The following NEK1 variants were observed in gnomAD, a reference collection of about 807,000 sequenced individuals.
The protein encoded by NEK1 is NIMA related kinase 1.
Under a neutral mutation model 182.1 loss-of-function variants are expected in NEK1, and 137 were observed. The observed-to-expected ratio is 0.75, with a 90% CI of 0.65 to 0.87. NEK1 has a LOEUF of 0.87. Among genes scored for constraint, NEK1 ranks in the 40% least tolerant of loss-of-function variants. The pLI, the probability that NEK1 is intolerant of heterozygous loss-of-function variation, is 0.00. For synonymous variants in NEK1, 513 were observed against 492.2 expected (o/e 1.04, Z -0.56); for missense variants, 1,391 against 1,494.4 (o/e 0.93, Z 1.14).
intron 18 of NEK1, among the ~76,000 whole-genome samples, chr4:169,550,101 G>A (rs1761188720): frequency 6.6e-6 from 1 of 152,192 alleles, no homozygotes; most frequent in South Asian, 2.1e-4. Context: ...CCCATGTGTT[G>A]TGGGAGGGAC....
intron 10 of NEK1, among the ~76,000 whole-genome samples, chr4:169,584,037 A>G (rs1196766170): frequency 6.6e-6 from 1 of 152,228 alleles, no homozygotes; most frequent in African/African-American, 2.4e-5. Context: ...TGAAGAGGTT[A>G]ACAGTTATTT....
intron 19 of NEK1, among the ~76,000 whole-genome samples, chr4:169,525,279 C>G (rs925184947): frequency 1.1e-4 from 17 of 152,100 alleles, no homozygotes; most frequent in Non-Finnish European, 1.6e-4. Flanking sequence ...CAGGCACGCA[C>G]CACCATGCCC....
intron 27 of NEK1, among the ~76,000 whole-genome samples, chr4:169,442,612 A>G (rs1247207405): frequency 6.6e-6 from 1 of 152,240 alleles, no homozygotes; most frequent in Non-Finnish European, 1.5e-5. Context: ...AATCTACAAA[A>G]TGCCTAAAAC....
chr4:169,527,744 G>A (rs1229789667), intron 19 of NEK1, among the ~76,000 whole-genome samples: 3 of 151,492 alleles, frequency 2.0e-5, no homozygotes, highest in African/African-American at 7.3e-5. Flanking sequence ...GAAATGGAAA[G>A]AGAGAAACAA....
chr4:169,560,373 T>C (rs1409684610), intron 16 of NEK1, among the ~76,000 whole-genome samples: 1 of 152,244 alleles, frequency 6.6e-6, no homozygotes, highest in African/African-American at 2.4e-5. Flanking sequence ...TCTACTGTTT[T>C]GCCACATGAA....
At chr4:169,432,768 TTTAATTAA>T (rs566380941) in intron 29 of NEK1, among the ~76,000 whole-genome samples, 3 of 152,050 alleles carry the variant, frequency 2.0e-5, no homozygotes, top group African/African-American at 4.8e-5. Context: ...ATCATCATAC[TTTAATTAA>T]TTAATTAATT....
chr4:169,587,086 C>A (rs951927370), intron 9 of NEK1, among the ~76,000 whole-genome samples: 23 of 150,906 alleles, frequency 1.5e-4, no homozygotes, highest in Non-Finnish European at 2.1e-4. Flanking sequence ...TATGTTATTT[C>A]AAAAAAAAGT....
At chr4:169,444,898 T>C (rs1234695230) in intron 27 of NEK1, among the ~76,000 whole-genome samples, 2 of 152,156 alleles carry the variant, frequency 1.3e-5, no homozygotes, top group Admixed American at 1.3e-4. Context: ...TCATATCAAG[T>C]ACCTTCTCAG....
At chr4:169,558,695 A>T (rs1222724456) in intron 16 of NEK1, among the ~76,000 whole-genome samples, 1 of 152,200 alleles carries the variant, frequency 6.6e-6, no homozygotes, top group Admixed American at 6.5e-5. Flanking sequence ...ATACATGTGG[A>T]ATATATAATT....
intron 19 of NEK1, among the ~76,000 whole-genome samples, chr4:169,521,178 C>T (rs1293176490): frequency 4.6e-5 from 2 of 43,030 alleles, no homozygotes; most frequent in Middle Eastern, 0.011. Flanking sequence ...GCGTAGGACC[C>T]TCTGAGCCAG....
chr4:169,585,610 G>A (rs1380005490), intron 9 of NEK1, 61 bp from the exon 10 acceptor site: 8 of 1,052,536 alleles, frequency 7.6e-6, no homozygotes, highest in South Asian at 3.2e-5. Flanking sequence ...TGAGAATATC[G>A]GTAATGAGAA....
rs191628309 is a variant in NEK1 at position 169,499,402 on chromosome 4, C to T, written c.2007+7635G>A. On this transcript the variant is annotated intron_variant, in intron 23 of 35. Coordinates refer to ENST00000507142, the MANE Select transcript of NEK1 (RefSeq NM_001199397.3). Reference sequence around the variant, plus strand: ...CATCTGAAGCCTTCTTCTCTCAACTCGTCAAAGTCATTCTCTGTCCAGCTT... The same window carrying T: ...CATCTGAAGCCTTCTTCTCTCAACTTGTCAAAGTCATTCTCTGTCCAGCTT... Among the ~76,000 whole-genome samples the T allele has an allele frequency of 2.9e-3, 435 of 152,270 alleles. 2 individuals are homozygous for T. The highest frequency in any genetic ancestry group is 0.01 in the African/African-American group (420 of 41,556).
At chr4:169,477,626 A>T in intron 24 of NEK1, 129 bp from the exon 25 acceptor site, 1 of 646,588 alleles carries the variant, frequency 1.5e-6, no homozygotes, top group East Asian at 2.9e-5. Context: ...ATTCCTATAA[A>T]ATGTTAACAA....
chr4:169,561,404 G>A (rs911999779), intron 16 of NEK1, 76 bp downstream of exon 16: 82 of 1,246,460 alleles, frequency 6.6e-5, no homozygotes, highest in Non-Finnish European at 8.0e-5. Flanking sequence ...AAAATCCCAA[G>A]TACATGCATT....
chr4:169,404,334 A>G (rs1732212742), intron 32 of NEK1, among the ~76,000 whole-genome samples: 1 of 152,172 alleles, frequency 6.6e-6, no homozygotes, highest in South Asian at 2.1e-4. Flanking sequence ...GCAAAAATCT[A>G]CAGAACTCTA....
In NEK1 at chr4:169,438,214, T is replaced by C. The variant is rs759546940; in HGVS notation, c.2633A>G (p.Glu878Gly). The C allele has an allele frequency of 2.5e-6, 4 of 1,572,500 alleles. No homozygotes were observed. Among genetic ancestry groups the C allele is most frequent in the Admixed American group, 3.7e-5 (2 of 53,384 alleles). ...ATGTGAAATACATTGTACTTTTTTT[T>C]CTCCAGTAATTAAGGGTTTGTACTT... ...GEKYKPLITGEKKVQCISHEI... is the reference protein window; with the variant it reads ...GEKYKPLITGGKKVQCISHEI... The change falls in exon 28 of 36, where the codon GAA (glutamate) becomes GGA (glycine). Residue 878 changes from glutamate (E) to glycine (G), a missense_variant. Glu to Gly is a moderately conservative substitution (Grantham distance 98, BLOSUM62 -2). Around this residue, in one of 5 missense-constraint regions of NEK1, gnomAD observed 1,216 missense variants for 1,277.6 expected, o/e 0.95. Transcript: ENST00000507142.
At chr4:169,563,731 T>C (rs1239347435) in intron 12 of NEK1, among the ~76,000 whole-genome samples, 2 of 152,240 alleles carry the variant, frequency 1.3e-5, no homozygotes, top group African/African-American at 4.8e-5. Context: ...GTTTCAGGTG[T>C]GTATACATAC....
chr4:169,609,770 TTATC>T (rs1323029642), intron 2 of NEK1, among the ~76,000 whole-genome samples: 3 of 152,276 alleles, frequency 2.0e-5, no homozygotes, highest in Non-Finnish European at 4.4e-5. Context: ...TACAAATGTA[TTATC>T]TATTCAAAAC....
chr4:169,572,625 C>T (rs1765053138), intron 12 of NEK1, among the ~76,000 whole-genome samples: 1 of 152,072 alleles, frequency 6.6e-6, no homozygotes, highest in African/African-American at 2.4e-5. Context: ...CCTTGAGCAC[C>T]TCAGCATTTA....
Sources: gnomAD v4.1 joint callset for allele counts (sites outside exome capture counted in the v4.1 genomes callset) on GRCh38, gnomAD v4.1.1 for gene constraint, gnomAD v4.1.1 regional missense constraint, MANE v1.5 for transcripts, NCBI Gene and HGNC (gene_info 2026-07-23, HGNC 2026-07-21) for gene names.